The following CSMD1 variants were observed in gnomAD, a reference collection of about 807,000 sequenced individuals.
The protein encoded by CSMD1 is CUB and sushi domain-containing protein 1.
A neutral mutation model predicts 417.5 loss-of-function variants in CSMD1; 213 were observed. The observed-to-expected ratio is 0.51, with a 90% confidence interval of 0.46 to 0.57. The LOEUF is 0.57. Ranked by LOEUF, CSMD1 falls within the 20% of genes least tolerant of loss-of-function variation. The pLI is 0.00. For synonymous variants in CSMD1, 2,862 were observed against 1,736.8 expected, an observed-to-expected ratio of 1.65 and a Z score of -16.11; for missense variants, 6,923 against 4,529.7, an observed-to-expected ratio of 1.53 and a Z score of -15.17.
intron 1 of CSMD1, among the ~76,000 whole-genome samples, chr8:4,790,583 A>G (rs1797636458): frequency 6.6e-6 from 1 of 152,236 alleles, no homozygotes; most frequent in African/African-American, 2.4e-5. Flanking sequence ...TTTAAGCTAT[A>G]CAACCAAGCT....
At chr8:4,401,038 G>A (rs1413936275) in intron 3 of CSMD1, among the ~76,000 whole-genome samples, 1 of 151,806 alleles carries the variant, frequency 6.6e-6, no homozygotes, top group South Asian at 2.1e-4. Flanking sequence ...GTTAATATAC[G>A]CTGAGCATGC....
At chr8:3,222,133 G>A (rs541651475) in intron 28 of CSMD1, among the ~76,000 whole-genome samples, 50 of 152,128 alleles carry the variant, frequency 3.3e-4, no homozygotes, top group South Asian at 1.0e-3. Context: ...ACATTGGGTC[G>A]GCTAATAAGT....
intron 2 of CSMD1, among the ~76,000 whole-genome samples, chr8:4,584,055 T>G (rs1383157852): frequency 6.6e-6 from 1 of 150,888 alleles, no homozygotes; most frequent in Admixed American, 6.6e-5. Flanking sequence ...ACTACGAAGG[T>G]CTGCAGTTTC....
intron 3 of CSMD1, among the ~76,000 whole-genome samples, chr8:4,235,644 T>G (rs1428458348): frequency 6.6e-6 from 1 of 152,210 alleles, no homozygotes; most frequent in Admixed American, 6.5e-5. Flanking sequence ...GGACCTGAAA[T>G]GCATCGACCC....
chr8:4,468,728 G>T (rs1800341031), intron 2 of CSMD1, among the ~76,000 whole-genome samples: 1 of 152,134 alleles, frequency 6.6e-6, no homozygotes, highest in African/African-American at 2.4e-5. Flanking sequence ...ATTGCTTAGG[G>T]AGAGCCTACT....
intron 7 of CSMD1, among the ~76,000 whole-genome samples, chr8:3,626,148 C>T (rs753255396): frequency 6.6e-6 from 1 of 152,202 alleles, no homozygotes; most frequent in Non-Finnish European, 1.5e-5. Context: ...ATATTGGCAG[C>T]ACCAAAGAGC....
At chr8:3,317,454 C>T (rs1478093503) in intron 23 of CSMD1, among the ~76,000 whole-genome samples, 1 of 152,152 alleles carries the variant, frequency 6.6e-6, no homozygotes, top group African/African-American at 2.4e-5. Flanking sequence ...CTTGTATTCT[C>T]TGTTGTTCTG....
chr8:3,546,086 G>C (rs1310572495), intron 10 of CSMD1, among the ~76,000 whole-genome samples: 1 of 152,190 alleles, frequency 6.6e-6, no homozygotes, highest in Non-Finnish European at 1.5e-5. Context: ...GCTAACAAAT[G>C]TAAATAGCAG....
intron 5 of CSMD1, among the ~76,000 whole-genome samples, chr8:3,932,256 G>A (rs1264148433): frequency 3.3e-5 from 5 of 150,484 alleles, no homozygotes; most frequent in African/African-American, 1.2e-4. Context: ...GAAAATCGAC[G>A]AAAGTAATAG....
intron 5 of CSMD1, among the ~76,000 whole-genome samples, chr8:3,967,579 T>C (rs11785940): frequency 0.058 from 8,846 of 152,206 alleles, 293 homozygotes; most frequent in South Asian, 0.097. Context: ...CAGCTTGACC[T>C]CTGTGTAGAG....
At chr8:3,547,852 G>C (rs982731782) in intron 10 of CSMD1, among the ~76,000 whole-genome samples, 1 of 151,996 alleles carries the variant, frequency 6.6e-6, no homozygotes, top group East Asian at 1.9e-4. Flanking sequence ...AAGGAATTTC[G>C]CTAGGTCATT....
At chr8:4,211,040 C>A (rs1035492137) in intron 3 of CSMD1, among the ~76,000 whole-genome samples, 1 of 152,126 alleles carries the variant, frequency 6.6e-6, no homozygotes, top group African/African-American at 2.4e-5. Context: ...TTTTAAAATA[C>A]AAACACATTT....
At chr8:4,686,510 G>A (rs186150091) in intron 1 of CSMD1, among the ~76,000 whole-genome samples, 14 of 152,300 alleles carry the variant, frequency 9.2e-5, no homozygotes, top group Admixed American at 3.9e-4. Context: ...CTGAAAACAC[G>A]GGAGCACAGC....
At chr8:3,950,625 G>C (rs1038430172) in intron 5 of CSMD1, among the ~76,000 whole-genome samples, 1 of 152,148 alleles carries the variant, frequency 6.6e-6, no homozygotes, top group South Asian at 2.1e-4. Flanking sequence ...CAGCAGGAAC[G>C]TGTTTGATCT....
intron 5 of CSMD1, among the ~76,000 whole-genome samples, chr8:3,974,106 T>C (rs563219816): frequency 6.6e-6 from 1 of 152,154 alleles, no homozygotes; most frequent in Non-Finnish European, 1.5e-5. Context: ...TTCTAATTAC[T>C]TTTTGTACCC....
In CSMD1 at chr8:3,283,970, C is replaced by T. The variant is rs181037289; in HGVS notation, c.4153+174G>A. Among the ~76,000 whole-genome samples, 7 of 152,368 alleles carry T rather than the reference C, an allele frequency of 4.6e-5. No homozygotes were observed. The East Asian group carries it at 1.2e-3, about 25-fold the overall frequency. On this transcript the variant is annotated intron_variant, in intron 26 of 69. Coordinates refer to ENST00000635120, the MANE Select transcript of CSMD1 (RefSeq NM_033225.6). ...TGTTATCGTGGCCTCAGCCATGAAC[C>T]CAGCAATGGGGGAAGAGAACTCTTC...
chr8:4,688,056 T>G (rs897684799), intron 1 of CSMD1, among the ~76,000 whole-genome samples: 3 of 152,190 alleles, frequency 2.0e-5, no homozygotes, highest in Non-Finnish European at 2.9e-5. Context: ...TTGATTGCCC[T>G]ATGGCTCAGT....
intron 25 of CSMD1, among the ~76,000 whole-genome samples, chr8:3,296,833 A>G (rs958504883): frequency 2.0e-5 from 3 of 152,210 alleles, no homozygotes; most frequent in Admixed American, 1.3e-4. Flanking sequence ...GGGGAAAATC[A>G]GAGTTTCTGT....
chr8:3,474,967 C>G (rs1037912824), intron 11 of CSMD1, among the ~76,000 whole-genome samples: 3 of 151,818 alleles, frequency 2.0e-5, no homozygotes, highest in African/African-American at 7.3e-5. Context: ...GCCTTTTTTG[C>G]CCCCAAGCCC....
Sources: gnomAD v4.1 joint callset for allele counts (sites outside exome capture counted in the v4.1 genomes callset) on GRCh38, gnomAD v4.1.1 for gene constraint, MANE v1.5 for transcripts, NCBI Gene and HGNC (gene_info 2026-07-23, HGNC 2026-07-21) for gene names.